The following LEPR variants were observed in gnomAD, a reference collection of about 807,000 sequenced individuals.
The protein encoded by LEPR is OB receptor.
In LEPR, 56 loss-of-function variants were observed where a neutral mutation model predicts 114.7. The observed-to-expected ratio is 0.49, with a 90% CI of 0.39 to 0.61. LEPR has a LOEUF of 0.61. Among genes scored for constraint, LEPR ranks in the 20% least tolerant of loss-of-function variants. The pLI is 0.00. For synonymous variants in LEPR, 443 were observed against 461.4 expected, an observed-to-expected ratio of 0.96 and a Z score of 0.51; for missense variants, 1,202 against 1,352.9, an observed-to-expected ratio of 0.89 and a Z score of 1.75.
chr1:65,585,458 T>C (rs796829367), intron 5 of LEPR, among the ~76,000 whole-genome samples: 26 of 152,126 alleles, frequency 1.7e-4, no homozygotes, highest in African/African-American at 5.8e-4. Context: ...TTCTAAACCA[T>C]GTATGGCTAC....
At chr1:65,449,494 C>T (rs1646754546) in intron 2 of LEPR, among the ~76,000 whole-genome samples, 2 of 151,962 alleles carry the variant, frequency 1.3e-5, no homozygotes, top group Non-Finnish European at 2.9e-5. Flanking sequence ...TGGCTGTTCA[C>T]TTGGGCAGGA....
intron 12 of LEPR, 24 bp downstream of exon 12, chr1:65,608,925 C>T: frequency 1.2e-6 from 2 of 1,612,976 alleles, no homozygotes; most frequent in South Asian, 2.2e-5. Flanking sequence ...AGAACTTCAG[C>T]TTTCCTCATT....
rs1226626771 is a variant in LEPR, at chr1:65,598,095, C to CTTTTTTTTTTTTTTTTTT, written c.850-562_850-545dup. 6.2e-3 allele frequency among the ~76,000 whole-genome samples: 625 copies of CTTTTTTTTTTTTTTTTTT among 101,408 alleles called. 87 individuals are homozygous for CTTTTTTTTTTTTTTTTTT. The highest frequency in any genetic ancestry group is 0.023 in the African/African-American group (523 of 22,590). The allele number at this position is 101,408 out of a possible 152,430, so 66.5% of individuals were successfully genotyped here. A position where few individuals can be genotyped will look rare whatever the true frequency, so the allele number is the denominator to read the frequency against. ...CTAGGCTCAAGTGATCCTCCTGCCT[C>CTTTTTTTTTTTTTTTTTT]TTTTTTTTTTTTTTTTTTTTAAGAG... is the stretch of plus-strand genomic sequence containing the variant. On this transcript the variant is annotated intron_variant, in intron 7 of 19. Coordinates refer to ENST00000349533, the MANE Select transcript of LEPR (RefSeq NM_002303.6).
At chr1:65,581,419 C>T (rs973150339) in intron 5 of LEPR, among the ~76,000 whole-genome samples, 1 of 151,668 alleles carries the variant, frequency 6.6e-6, no homozygotes, top group Non-Finnish European at 1.5e-5. Flanking sequence ...GCCTGCTTTC[C>T]TACCAGCACA....
At chr1:65,565,113 A>G (rs1653637176) in intron 2 of LEPR, among the ~76,000 whole-genome samples, 1 of 152,228 alleles carries the variant, frequency 6.6e-6, no homozygotes. Flanking sequence ...ATTTGGCCTT[A>G]CAATATCATA....
Position 65,633,635 on chromosome 1 carries a change from T to A in LEPR, c.2674-2556T>A. The A allele has an allele frequency of 1.0e-6, 1 of 984,934 alleles. No individual in the cohort carries two copies. Among genetic ancestry groups the A allele is most frequent in the Non-Finnish European group, 1.2e-6 (1 of 829,212 alleles). 61.0% of individuals were successfully genotyped at this position (984,934 alleles called of 1,614,324 possible). A position where few individuals can be genotyped will look rare whatever the true frequency, so the allele number is the denominator to read the frequency against. The stretch of plus-strand genomic sequence containing the variant: ...TATGGAATCAGTGAAAATATTTAGT[T>A]TGTATTTTTATGTCCAAACTTTTCC... On this transcript the variant is annotated intron_variant, in intron 19 of 19. Coordinates refer to ENST00000349533, the MANE Select transcript of LEPR (RefSeq NM_002303.6). The surrounding 1 kb of genome is among the most constrained non-coding windows in gnomAD (Gnocchi z 4.1).
At chr1:65,455,633 G>T (rs1646860051) in intron 2 of LEPR, among the ~76,000 whole-genome samples, 1 of 152,174 alleles carries the variant, frequency 6.6e-6, no homozygotes, top group South Asian at 2.1e-4. Context: ...GAGGCAGTCT[G>T]TCCGTTCTCA....
At chr1:65,582,165 TA>T (rs1336252540) in intron 5 of LEPR, among the ~76,000 whole-genome samples, 2 of 152,224 alleles carry the variant, frequency 1.3e-5, no homozygotes, top group Non-Finnish European at 2.9e-5. Flanking sequence ...TGTCATATAA[TA>T]AATTAACCCA....
intron 17 of LEPR, 98 bp from the exon 18 acceptor site, chr1:65,621,255 G>A: frequency 2.1e-6 from 2 of 970,284 alleles, no homozygotes; most frequent in East Asian, 5.2e-5. Flanking sequence ...TAAGAGATTT[G>A]TGATGAATTC....
At chr1:65,595,549 A>G (rs1039159216) in intron 6 of LEPR, among the ~76,000 whole-genome samples, 1 of 152,138 alleles carries the variant, frequency 6.6e-6, no homozygotes, top group Non-Finnish European at 1.5e-5. Flanking sequence ...AATTTATAAT[A>G]CGTCTCATAA....
intron 2 of LEPR, among the ~76,000 whole-genome samples, chr1:65,544,298 T>C (rs1440470201): frequency 4.6e-5 from 7 of 152,060 alleles, no homozygotes; most frequent in African/African-American, 1.7e-4. Context: ...TTTTGTATCC[T>C]GAGACTTTGC....
intron 2 of LEPR, among the ~76,000 whole-genome samples, chr1:65,465,849 C>A (rs935697561): frequency 2.0e-5 from 3 of 151,896 alleles, no homozygotes; most frequent in Non-Finnish European, 2.9e-5. Flanking sequence ...GATTGCAATC[C>A]CTGCTTTTTT....
At chr1:65,519,155 T>TTCCTTCCTTC (rs1557636790) in intron 2 of LEPR, among the ~76,000 whole-genome samples, 4 of 114,074 alleles carry the variant, frequency 3.5e-5, no homozygotes, top group African/African-American at 1.3e-4. Flanking sequence ...TTCCTTCCTT[T>TTCCTTCCTTC]CCTTCCTTCC....
chr1:65,540,934 C>A (rs1212664125), intron 2 of LEPR, among the ~76,000 whole-genome samples: 1 of 152,118 alleles, frequency 6.6e-6, no homozygotes, highest in Non-Finnish European at 1.5e-5. Flanking sequence ...CAGGCTCAAG[C>A]GATTCTCATG....
intron 2 of LEPR, among the ~76,000 whole-genome samples, chr1:65,439,914 C>A (rs572200001): frequency 2.3e-4 from 31 of 135,014 alleles, no homozygotes; most frequent in Non-Finnish European, 4.0e-4. Flanking sequence ...AGGCAGGAGA[C>A]TAACTTGAAC....
chr1:65,590,956 A>T (rs1032205150), intron 5 of LEPR, among the ~76,000 whole-genome samples: 1 of 151,296 alleles, frequency 6.6e-6, no homozygotes, highest in Non-Finnish European at 1.5e-5. Flanking sequence ...TTTTTCTCAT[A>T]TAGGCAGTTA....
At chr1:65,497,765 T>C (rs1245293440) in intron 2 of LEPR, among the ~76,000 whole-genome samples, 2 of 152,194 alleles carry the variant, frequency 1.3e-5, no homozygotes, top group Non-Finnish European at 2.9e-5. Context: ...TCAAACTTAG[T>C]CTTCTCTTTT....
chr1:65,550,548 C>T (rs1049575442), intron 2 of LEPR, among the ~76,000 whole-genome samples: 3 of 152,180 alleles, frequency 2.0e-5, no homozygotes, highest in Admixed American at 6.5e-5. Flanking sequence ...GCCTCGCTGC[C>T]GCCTTGAAGT....
At chr1:65,442,352 A>G (rs567970220) in intron 2 of LEPR, among the ~76,000 whole-genome samples, 1 of 152,290 alleles carries the variant, frequency 6.6e-6, no homozygotes, top group South Asian at 2.1e-4. Context: ...GAATCCACCT[A>G]TGACCTATGA....
Sources: gnomAD v4.1 joint callset for allele counts (sites outside exome capture counted in the v4.1 genomes callset) on GRCh38, gnomAD v4.1.1 for gene constraint, Gnocchi (gnomAD v3.1) non-coding constraint, MANE v1.5 for transcripts, NCBI Gene and HGNC (gene_info 2026-07-23, HGNC 2026-07-21) for gene names.